MYO1D: variants seen among roughly 807,000 people sequenced by gnomAD.
MYO1D encodes unconventional myosin-Id.
In MYO1D, 83 loss-of-function variants were observed where a neutral mutation model predicts 122.0. The observed-to-expected ratio is 0.68, with a 90% CI of 0.57 to 0.82. MYO1D has a LOEUF of 0.82. MYO1D is among the 40% of genes least tolerant of loss of function. The pLI is 0.00. For missense variants in MYO1D, 1,157 were observed against 1,269.5 expected, an observed-to-expected ratio of 0.91 and a Z score of 1.35; for synonymous variants, 464 against 446.9, an observed-to-expected ratio of 1.04 and a Z score of -0.48.
chr17:32,614,361 G>A (rs1180134437), intron 20 of MYO1D, among the ~76,000 whole-genome samples: 1 of 151,600 alleles, frequency 6.6e-6, no homozygotes, highest in Non-Finnish European at 1.5e-5. Context: ...TTTTGACACA[G>A]ACACTTGGGT....
At position 32,806,625 on chromosome 17, in the gene MYO1D, C is replaced by A. The variant is rs764478574; in HGVS notation, c.96-25841G>T. ...CTCCTGAGCTGAAACAATCCTCCTG[C>A]CTCAGCCTCCCGAAGTGCAGGTATT... On this transcript the variant is annotated intron_variant, in intron 1 of 21. Transcript: ENST00000318217. 1.9e-4 allele frequency among the ~76,000 whole-genome samples: 29 copies of A among 152,190 alleles called. 2 individuals carry two copies. The highest frequency in any genetic ancestry group is 2.5e-4 in the Non-Finnish European group (17 of 68,032).
At chr17:32,545,382 C>T (rs2086957484) in intron 21 of MYO1D, among the ~76,000 whole-genome samples, 1 of 152,224 alleles carries the variant, frequency 6.6e-6, no homozygotes, top group African/African-American at 2.4e-5. Context: ...TAAACAGTGG[C>T]ATATTATTCT....
At chr17:32,590,865 T>C (rs2087432841) in intron 21 of MYO1D, among the ~76,000 whole-genome samples, 1 of 152,214 alleles carries the variant, frequency 6.6e-6, no homozygotes, top group Non-Finnish European at 1.5e-5. Flanking sequence ...TTAACATATA[T>C]TGTAAGGTTT....
chr17:32,639,363 TTGTGTGTGTG>T (rs10674390), intron 19 of MYO1D, among the ~76,000 whole-genome samples: 20 of 128,270 alleles, frequency 1.6e-4, no homozygotes, highest in African/African-American at 4.8e-4. Flanking sequence ...GGGAGAAATT[TTGTGTGTGTG>T]TGTGTGTGTG....
chr17:32,734,863 A>C (rs2089679877), intron 14 of MYO1D: 1 of 151,908 alleles, frequency 6.6e-6, no homozygotes, highest in South Asian at 2.1e-4. Flanking sequence ...TGAGATCAGG[A>C]GTTCAAGACC....
intron 21 of MYO1D, among the ~76,000 whole-genome samples, chr17:32,513,810 A>G (rs920835859): frequency 6.6e-6 from 1 of 151,494 alleles, no homozygotes; most frequent in African/African-American, 2.4e-5. Flanking sequence ...ACCCACCCCA[A>G]ACGCCTTAAG....
chr17:32,577,205 C>T (rs1052632935), intron 21 of MYO1D, among the ~76,000 whole-genome samples: 10 of 142,168 alleles, frequency 7.0e-5, no homozygotes, highest in African/African-American at 2.3e-4. Context: ...GAGCCGACAT[C>T]GCACCATTGC....
At chr17:32,733,602 C>A (rs2089664947) in intron 14 of MYO1D, among the ~76,000 whole-genome samples, 1 of 152,096 alleles carries the variant, frequency 6.6e-6, no homozygotes, top group Non-Finnish European at 1.5e-5. Flanking sequence ...TGTGTGTGTG[C>A]ACAGAATTCC....
At chr17:32,693,980 T>C (rs371162902) in intron 16 of MYO1D, among the ~76,000 whole-genome samples, 47 of 152,334 alleles carry the variant, frequency 3.1e-4, no homozygotes, top group African/African-American at 1.1e-3. Flanking sequence ...TGTTAAATAC[T>C]AAATGGACCA....
intron 19 of MYO1D, among the ~76,000 whole-genome samples, chr17:32,647,262 A>G (rs2088308081): frequency 6.6e-6 from 1 of 152,244 alleles, no homozygotes. Context: ...TTCAGAGAGA[A>G]TCTAAGCATA....
chr17:32,677,545 CA>C (rs998496785), intron 16 of MYO1D, among the ~76,000 whole-genome samples: 3 of 149,136 alleles, frequency 2.0e-5, no homozygotes, highest in African/African-American at 7.5e-5. Context: ...TGTAAAAAGT[CA>C]CTGGGAAGTC....
At chr17:32,560,567 A>C (rs1240211786) in intron 21 of MYO1D, among the ~76,000 whole-genome samples, 9 of 102,196 alleles carry the variant, frequency 8.8e-5, no homozygotes, top group African/African-American at 2.4e-4. Context: ...ATATATATAT[A>C]TATATATATA....
chr17:32,731,371 A>T (rs763013473), intron 14 of MYO1D, among the ~76,000 whole-genome samples: 4 of 151,938 alleles, frequency 2.6e-5, no homozygotes, highest in Non-Finnish European at 5.9e-5. Context: ...TTTTATTTCT[A>T]TCAATTGTCT....
intron 17 of MYO1D, among the ~76,000 whole-genome samples, chr17:32,656,949 C>T (rs1010060171): frequency 1.3e-5 from 2 of 152,222 alleles, no homozygotes; most frequent in Non-Finnish European, 2.9e-5. Flanking sequence ...AGGACAAGGT[C>T]TGTCCCTGAC....
intron 14 of MYO1D, among the ~76,000 whole-genome samples, chr17:32,728,267 G>A (rs559805038): frequency 8.6e-5 from 13 of 151,434 alleles, no homozygotes; most frequent in African/African-American, 2.2e-4. Context: ...GTGCAATGGC[G>A]TGATCTCAGC....
intron 16 of MYO1D, among the ~76,000 whole-genome samples, chr17:32,705,801 T>C (rs1250597772): frequency 6.6e-6 from 1 of 152,180 alleles, no homozygotes; most frequent in Non-Finnish European, 1.5e-5. Context: ...TGGGAGGTAA[T>C]TGAGTCATAG....
intron 3 of MYO1D, 36 bp from the exon 4 acceptor site, chr17:32,776,065 T>TTA: frequency 6.4e-7 from 1 of 1,574,656 alleles, no homozygotes; most frequent in Non-Finnish European, 8.6e-7. Context: ...TTATAAAAAC[T>TTA]TATAGAGACT....
intron 1 of MYO1D, among the ~76,000 whole-genome samples, chr17:32,853,265 G>GTCATGTGATTATATATCTCTACA (rs2091003705): frequency 1.3e-5 from 2 of 152,050 alleles, no homozygotes; most frequent in Non-Finnish European, 2.9e-5. Flanking sequence ...TCTACTTCCA[G>GTCATGTGATTATATATCTCTACA]CTTCAGTCAT....
At chr17:32,796,879 G>A (rs1267806030) in intron 1 of MYO1D, among the ~76,000 whole-genome samples, 1 of 152,090 alleles carries the variant, frequency 6.6e-6, no homozygotes, top group African/African-American at 2.4e-5. Context: ...ACGGGTCTCT[G>A]GACGACAGGA....
Sources: gnomAD v4.1 joint callset for allele counts (sites outside exome capture counted in the v4.1 genomes callset) on GRCh38, gnomAD v4.1.1 for gene constraint, MANE v1.5 for transcripts, NCBI Gene and HGNC (gene_info 2026-07-23, HGNC 2026-07-21) for gene names.